The following FBXL7 variants were observed in gnomAD, a reference collection of about 807,000 sequenced individuals.
FBXL7 encodes F-box and leucine rich repeat protein 7.
FBXL7 carries 12 observed loss-of-function variants against 38.3 expected under a neutral mutation model. The observed-to-expected ratio is 0.31, with a 90% CI of 0.20 to 0.51. FBXL7 has a LOEUF of 0.51. Ranked by LOEUF, FBXL7 falls within the 20% of genes least tolerant of loss-of-function variation. The pLI is 0.98. For synonymous variants in FBXL7, 297 were observed against 300.9 expected (o/e 0.99, Z 0.13); for missense variants, 567 against 676.4 (o/e 0.84, Z 1.79).
intron 1 of FBXL7, among the ~76,000 whole-genome samples, chr5:15,577,946 A>G (rs1379902838): frequency 1.3e-5 from 2 of 152,160 alleles, no homozygotes; most frequent in African/African-American, 2.4e-5. Context: ...TGCATATTGC[A>G]GATTGACATG....
chr5:15,751,232 T>A (rs935630988), intron 2 of FBXL7, among the ~76,000 whole-genome samples: 2 of 137,636 alleles, frequency 1.5e-5, no homozygotes, highest in African/African-American at 5.2e-5. Context: ...CCCATAAGGC[T>A]CTAGCCCAGT....
At position 15,655,493 on chromosome 5, in the gene FBXL7, C is replaced by CA. The variant is rs58395302; in HGVS notation, c.127+39434dup. Among the ~76,000 whole-genome samples the CA allele has an allele frequency of 5.1e-3, 670 of 130,278 alleles. 8 individuals carry two copies. The highest frequency in any genetic ancestry group is 0.03 in the Admixed American group (384 of 12,894). The allele number at this position is 130,278 out of a possible 152,430, so 85.5% of individuals were successfully genotyped here. On this transcript the variant is annotated intron_variant, in intron 2 of 3. Coordinates refer to ENST00000504595, the MANE Select transcript of FBXL7 (RefSeq NM_012304.5). The stretch of plus-strand genomic sequence containing the variant: ...TGGGTGACACGGTAAGACTCTGTCT[C>CA]AAAAAAAAAAAAAGAAAAGAAAAGA...
Position 15,935,334 on chromosome 5 carries a change from A to C in FBXL7, c.740-1116A>C, listed in dbSNP as rs549749370. ...TGTGGGGAATCGACTGTAGGAGCTA[A>C]GGGCAGGGAAGGGAGTCTGATTCAA... On this transcript the variant is annotated intron_variant, in intron 3 of 3. Coordinates refer to ENST00000504595, the MANE Select transcript of FBXL7 (RefSeq NM_012304.5). 2.9e-5 allele frequency: 12 copies of C among 408,532 alleles called. No individual in the cohort carries two copies. The East Asian group carries it at 8.1e-4, about 27-fold the overall frequency. The allele number at this position is 408,532 out of a possible 1,614,324, so 25.3% of individuals were successfully genotyped here.
At chr5:15,818,743 TGAGAGAGA>T (rs201462691) in intron 2 of FBXL7, among the ~76,000 whole-genome samples, 12 of 39,466 alleles carry the variant, frequency 3.0e-4, no homozygotes, top group Non-Finnish European at 6.3e-4. Flanking sequence ...TGTGTGTGTG[TGAGAGAGA>T]GAGAGATTTA....
chr5:15,534,783 A>G (rs1018736204), intron 1 of FBXL7, among the ~76,000 whole-genome samples: 4 of 152,206 alleles, frequency 2.6e-5, no homozygotes, highest in African/African-American at 9.7e-5. Context: ...CCAGCAGTGA[A>G]TGAGAGTTCT....
rs186245243 is a variant in FBXL7, at chr5:15,878,447, A to G, written c.128-49443A>G. On this transcript the variant is annotated intron_variant, in intron 2 of 3. Transcript: ENST00000504595. ...CATGTTCTCCAGCAACTCTGCATGA[A>G]GATGGACCAGTGTGGGCTCTCGATT... 1.5e-4 allele frequency among the ~76,000 whole-genome samples: 23 copies of G among 152,310 alleles called. No individual in the cohort carries two copies. The East Asian group carries it at 4.4e-3, about 29-fold the overall frequency.
intron 2 of FBXL7, among the ~76,000 whole-genome samples, chr5:15,646,167 A>G (rs1741528228): frequency 6.6e-6 from 1 of 152,248 alleles, no homozygotes; most frequent in South Asian, 2.1e-4. Context: ...TTGGCACACT[A>G]TAAAGAACAT....
chr5:15,645,375 A>G (rs2126562352), intron 2 of FBXL7, among the ~76,000 whole-genome samples: 1 of 152,284 alleles, frequency 6.6e-6, no homozygotes, highest in Non-Finnish European at 1.5e-5. Context: ...GCTAATCAGA[A>G]ACTCAAAAGA....
chr5:15,777,801 A>C (rs1161371724), intron 2 of FBXL7, among the ~76,000 whole-genome samples: 8 of 149,786 alleles, frequency 5.3e-5, no homozygotes, highest in African/African-American at 2.0e-4. Flanking sequence ...AATGGTACTC[A>C]TTTGAGCAAA....
intron 2 of FBXL7, among the ~76,000 whole-genome samples, chr5:15,798,191 A>G (rs753393790): frequency 6.6e-5 from 10 of 152,270 alleles, no homozygotes; most frequent in African/African-American, 1.2e-4. Flanking sequence ...TACACTTTCT[A>G]TTTGGAAAGA....
chr5:15,849,519 G>A (rs1739028524), intron 2 of FBXL7, among the ~76,000 whole-genome samples: 1 of 151,534 alleles, frequency 6.6e-6, no homozygotes, highest in Non-Finnish European at 1.5e-5. Context: ...CACAAGATCT[G>A]ATGGTTTTAT....
At chr5:15,580,054 C>T (rs1739086655) in intron 1 of FBXL7, among the ~76,000 whole-genome samples, 1 of 152,060 alleles carries the variant, frequency 6.6e-6, no homozygotes, top group African/African-American at 2.4e-5. Flanking sequence ...CTCTAACCCC[C>T]AAGAGGATAA....
chr5:15,685,041 G>A (rs1241364552), intron 2 of FBXL7, among the ~76,000 whole-genome samples: 6 of 150,750 alleles, frequency 4.0e-5, no homozygotes, highest in African/African-American at 1.5e-4. Flanking sequence ...TTTTTTTTCT[G>A]CTTGTGACAT....
chr5:15,714,607 C>G (rs543031449), intron 2 of FBXL7, among the ~76,000 whole-genome samples: 1 of 152,260 alleles, frequency 6.6e-6, no homozygotes, highest in South Asian at 2.1e-4. Flanking sequence ...ATAATCCCAG[C>G]CCTTTAGGAG....
At chr5:15,692,240 T>C (rs1378591179) in intron 2 of FBXL7, among the ~76,000 whole-genome samples, 2 of 152,178 alleles carry the variant, frequency 1.3e-5, no homozygotes, top group East Asian at 3.9e-4. Context: ...ACCTACTTCA[T>C]AGAGATGGGA....
rs1022161655 is a variant in FBXL7 at position 15,500,388 on chromosome 5, C to T, written c.-289C>T. On this transcript the variant is annotated 5_prime_UTR_variant, in exon 1 of 4. Coordinates refer to ENST00000504595, the MANE Select transcript of FBXL7 (RefSeq NM_012304.5). ...GCGGCGCGGTGAGCCTCTGGGCGGC[C>T]CCGGGGCGCGGGCTGTGCGCGGCGC... The T allele has an allele frequency of 4.6e-5, 10 of 217,446 alleles. No individual in the cohort carries two copies. Among genetic ancestry groups the T allele is most frequent in the African/African-American group, 2.1e-4 (9 of 42,376 alleles). 13.5% of individuals were successfully genotyped at this position (217,446 alleles called of 1,614,324 possible). A position where few individuals can be genotyped will look rare whatever the true frequency, so the allele number is the denominator to read the frequency against.
intron 2 of FBXL7, among the ~76,000 whole-genome samples, chr5:15,801,570 T>C (rs976987909): frequency 3.9e-5 from 6 of 152,018 alleles, no homozygotes; most frequent in African/African-American, 1.2e-4. Flanking sequence ...TCTGGTGAAA[T>C]AAGAAAGCCA....
chr5:15,836,370 A>G (rs979183776), intron 2 of FBXL7, among the ~76,000 whole-genome samples: 5 of 152,212 alleles, frequency 3.3e-5, no homozygotes, highest in African/African-American at 1.2e-4. Context: ...TTGAAAGGTG[A>G]TGAGAGCTAT....
At chr5:15,825,159 G>A (rs1191091233) in intron 2 of FBXL7, among the ~76,000 whole-genome samples, 3 of 151,930 alleles carry the variant, frequency 2.0e-5, no homozygotes, top group Non-Finnish European at 4.4e-5. Flanking sequence ...AAGCTATGAC[G>A]GATGCCTTAA....
Sources: allele counts gnomAD v4.1 joint callset (sites outside exome capture counted in the v4.1 genomes callset), GRCh38; gene constraint gnomAD v4.1.1; transcripts MANE v1.5; gene names NCBI Gene and HGNC (gene_info 2026-07-23, HGNC 2026-07-21).